The following CHP1 variants were observed in gnomAD, a reference collection of about 807,000 sequenced individuals.
CHP1 encodes calcineurin B homologous protein 1.
CHP1 carries 11 observed loss-of-function variants against 27.4 expected under a neutral mutation model. The observed-to-expected ratio is 0.40, with a 90% confidence interval of 0.25 to 0.67. CHP1 has a LOEUF of 0.67. Among genes scored for constraint, CHP1 ranks in the 30% least tolerant of loss-of-function variants. CHP1 has a pLI of 0.38. For synonymous variants in CHP1, 89 were observed against 87.4 expected (o/e 1.02, Z -0.10); for missense variants, 169 against 251.3 (o/e 0.67, Z 2.22).
intron 2 of CHP1, among the ~76,000 whole-genome samples, chr15:41,251,675 A>G (rs1294348748): frequency 6.6e-6 from 1 of 152,154 alleles, no homozygotes; most frequent in African/African-American, 2.4e-5. Context: ...CCTTATGAGA[A>G]TCTAATGCCT....
chr15:41,267,383 C>T (rs1220333835), intron 4 of CHP1, among the ~76,000 whole-genome samples: 2 of 151,822 alleles, frequency 1.3e-5, no homozygotes, highest in Non-Finnish European at 2.9e-5. Context: ...AAGAAGCAGC[C>T]GGGCATGGTG....
chr15:41,267,364 TA>T (rs918438111), intron 4 of CHP1, among the ~76,000 whole-genome samples: 13 of 146,168 alleles, frequency 8.9e-5, no homozygotes, highest in Non-Finnish European at 1.2e-4. Flanking sequence ...TTTACCACAA[TA>T]AAAAAAAAAG....
intron 2 of CHP1, among the ~76,000 whole-genome samples, chr15:41,247,144 G>A (rs1045389009): frequency 5.9e-5 from 9 of 151,908 alleles, no homozygotes; most frequent in Admixed American, 2.6e-4. Context: ...CAAGGCAGGT[G>A]GATCACTTGA....
chr15:41,251,211 A>C (rs141573026), intron 2 of CHP1, among the ~76,000 whole-genome samples: 3 of 152,226 alleles, frequency 2.0e-5, no homozygotes, highest in African/African-American at 7.2e-5. Flanking sequence ...GGACATGATA[A>C]ATTTTCACCA....
At position 41,273,867 on chromosome 15, in the gene CHP1, G is replaced by A. The variant is rs557872379; in HGVS notation, c.411+3249G>A. On this transcript the variant is annotated intron_variant, in intron 5 of 6. Transcript: ENST00000334660. ...GAAGTAGGAGAATCGCTTGAAACCA[G>A]GAGGAGGAGGTTGCAGTGAGCTGAG... Among the ~76,000 whole-genome samples, 14 of 151,658 alleles carry A rather than the reference G, an allele frequency of 9.2e-5. No homozygotes were observed. In the East Asian group the frequency reaches 2.6e-3, roughly 28 times the overall value.
intron 2 of CHP1, among the ~76,000 whole-genome samples, chr15:41,251,478 T>G (rs937442488): frequency 2.0e-5 from 3 of 152,164 alleles, no homozygotes; most frequent in African/African-American, 7.2e-5. Context: ...CCCCAACCTC[T>G]GGGTTGCAGA....
intron 1 of CHP1, among the ~76,000 whole-genome samples, chr15:41,231,703 C>G (rs1007531293): frequency 6.6e-6 from 1 of 152,062 alleles, no homozygotes; most frequent in African/African-American, 2.4e-5. Flanking sequence ...TCGACGCCCC[C>G]CTTTTCTGCA....
intron 4 of CHP1, among the ~76,000 whole-genome samples, chr15:41,265,890 G>A (rs1280725004): frequency 2.0e-5 from 3 of 152,162 alleles, no homozygotes; most frequent in Non-Finnish European, 4.4e-5. Context: ...TGCCCATGTA[G>A]GCACAGGCCC....
At chr15:41,240,861 T>TG (rs2140923826) in intron 1 of CHP1, among the ~76,000 whole-genome samples, 1 of 40,030 alleles carries the variant, frequency 2.5e-5, no homozygotes, top group East Asian at 4.0e-4. Flanking sequence ...TTAGTAATTC[T>TG]TTTTTTTTTT....
At chr15:41,259,543 T>A (rs1342505828) in intron 3 of CHP1, among the ~76,000 whole-genome samples, 3 of 150,716 alleles carry the variant, frequency 2.0e-5, no homozygotes, top group Non-Finnish European at 3.0e-5. Flanking sequence ...TTTTTTTTTT[T>A]AAAGAATGAG....
At chr15:41,252,889 G>A (rs1464436542) in intron 2 of CHP1, among the ~76,000 whole-genome samples, 1 of 138,766 alleles carries the variant, frequency 7.2e-6, no homozygotes, top group Admixed American at 7.4e-5. Flanking sequence ...ATGTTGGTAT[G>A]CTTTTCAGTG....
At chr15:41,277,934 C>T (rs1406583246) in intron 5 of CHP1, among the ~76,000 whole-genome samples, 2 of 151,560 alleles carry the variant, frequency 1.3e-5, no homozygotes, top group African/African-American at 4.9e-5. Context: ...CCAGCTTGGG[C>T]AACAGAGCGA....
At chr15:41,266,575 A>C (rs2047461828) in intron 4 of CHP1, among the ~76,000 whole-genome samples, 1 of 152,174 alleles carries the variant, frequency 6.6e-6, no homozygotes, top group Non-Finnish European at 1.5e-5. Context: ...AGCTTGGGAG[A>C]GTAGCCAGGA....
In CHP1 at chr15:41,234,493, A is replaced by G. The variant is rs1172896939; in HGVS notation, c.67+3044A>G. Reference sequence around the variant, plus strand: ...ATTGAGGAATACTAAATTTATATTCAGTGCAAAAGCTGTGCATTGGAATTT... The same window carrying G: ...ATTGAGGAATACTAAATTTATATTCGGTGCAAAAGCTGTGCATTGGAATTT... On this transcript the variant is annotated intron_variant, in intron 1 of 6. Coordinates refer to ENST00000334660, the MANE Select transcript of CHP1 (RefSeq NM_007236.5). 2.6e-5 allele frequency among the ~76,000 whole-genome samples: 4 copies of G among 152,226 alleles called. No individual in the cohort carries two copies. In the East Asian group the frequency reaches 7.7e-4, roughly 29 times the overall value.
intron 5 of CHP1, among the ~76,000 whole-genome samples, chr15:41,274,095 G>A (rs2047506572): frequency 6.6e-6 from 1 of 151,894 alleles, no homozygotes; most frequent in Non-Finnish European, 1.5e-5. Context: ...TGAGTAGCTG[G>A]GACTATAGGC....
In CHP1 at chr15:41,280,505, A is replaced by ATTTTTTTTTTTTTTTTT. The variant is rs34921023; in HGVS notation, c.*1127_*1143dup. ...GGAAGTGCCTAATATCCCAGTCCAAATTTTTTTTTTTTTTTTTTTTTTTTT... is the reference window on the plus strand; with the variant it reads ...GGAAGTGCCTAATATCCCAGTCCAAATTTTTTTTTTTTTTTTTTTTTTTTTTTTTTTTTTTTTTTTTT... On this transcript the variant is annotated 3_prime_UTR_variant, in exon 7 of 7. Transcript: ENST00000334660. The ATTTTTTTTTTTTTTTTT allele has an allele frequency of 1.8e-5, 2 of 111,340 alleles. No individual in the cohort carries two copies. Among genetic ancestry groups the ATTTTTTTTTTTTTTTTT allele is most frequent in the Non-Finnish European group, 3.5e-5 (2 of 56,608 alleles). 6.9% of individuals were successfully genotyped at this position (111,340 alleles called of 1,614,324 possible).
At chr15:41,235,395 G>C (rs1335337155) in intron 1 of CHP1, among the ~76,000 whole-genome samples, 1 of 152,118 alleles carries the variant, frequency 6.6e-6, no homozygotes, top group Non-Finnish European at 1.5e-5. Flanking sequence ...ACATGGTGAA[G>C]CGTGCCTGCA....
intron 2 of CHP1, 52 bp downstream of exon 2, chr15:41,243,791 AGT>A: frequency 6.6e-7 from 1 of 1,521,932 alleles, no homozygotes; most frequent in Non-Finnish European, 9.1e-7. Context: ...ACCCTCTGGC[AGT>A]GTCTGAATAG....
intron 2 of CHP1, among the ~76,000 whole-genome samples, chr15:41,253,445 AT>A (rs2047381319): frequency 6.7e-6 from 1 of 149,304 alleles, no homozygotes; most frequent in Admixed American, 6.7e-5. Context: ...TTATTTATTT[AT>A]TTATTTATTT....
Sources: allele counts gnomAD v4.1 joint callset (sites outside exome capture counted in the v4.1 genomes callset), GRCh38; gene constraint gnomAD v4.1.1; transcripts MANE v1.5; gene names NCBI Gene and HGNC (gene_info 2026-07-23, HGNC 2026-07-21).